Variants in VSX2 observed in about 807,000 individuals in gnomAD.
The protein encoded by VSX2 is ceh-10 homeo domain containing homolog.
VSX2 carries 28 observed loss-of-function variants against 32.1 expected under a neutral mutation model. That is an observed-to-expected ratio of 0.87 (90% CI 0.65 to 1.20). VSX2 has a LOEUF of 1.20. Among genes scored for constraint, VSX2 ranks in the 50% most tolerant of loss-of-function variants. VSX2 has a pLI of 0.00. For missense variants in VSX2, 506 were observed against 488.7 expected (o/e 1.04, Z -0.33); for synonymous variants, 243 against 214.1 (o/e 1.14, Z -1.18).
At chr14:74,242,327 C>T (rs568888936) in intron 2 of VSX2, among the ~76,000 whole-genome samples, 1 of 152,266 alleles carries the variant, frequency 6.6e-6, no homozygotes, top group Non-Finnish European at 1.5e-5. Context: ...GCCGCCACAT[C>T]GTTTTCTCCC....
intron 3 of VSX2, among the ~76,000 whole-genome samples, chr14:74,256,068 C>A (rs1236667176): frequency 1.3e-5 from 2 of 152,140 alleles, no homozygotes; most frequent in Non-Finnish European, 2.9e-5. Context: ...TGCACAGATG[C>A]CAGTTGAGGG....
intron 3 of VSX2, among the ~76,000 whole-genome samples, chr14:74,253,146 G>T (rs1182903890): frequency 6.6e-6 from 1 of 152,068 alleles, no homozygotes; most frequent in Non-Finnish European, 1.5e-5. Flanking sequence ...AAATCTGGTG[G>T]CCCTGGGTGT....
chr14:74,241,355 C>A, intron 2 of VSX2, 89 bp downstream of exon 2: 1 of 1,408,000 alleles, frequency 7.1e-7, no homozygotes, highest in Non-Finnish European at 9.9e-7. Flanking sequence ...ACCCTATTTT[C>A]GCCGACAACG....
chr14:74,239,988 G>A, intron 1 of VSX2, 57 bp downstream of exon 1: 3 of 1,535,516 alleles, frequency 2.0e-6, no homozygotes, highest in African/African-American at 2.8e-5. Context: ...CGGGAGCCCC[G>A]CGCCGTCGGC....
In VSX2 at chr14:74,241,164, C is replaced by T. The variant is rs1264148334; in HGVS notation, c.371-18C>T. 6 of 1,612,204 alleles carry T rather than the reference C, an allele frequency of 3.7e-6. No homozygotes were observed. The African/African-American group carries it at 5.3e-5, about 14-fold the overall frequency. On this transcript the variant is annotated intron_variant, in intron 1 of 4. Transcript: ENST00000261980. ...CGCGTCCCCCACTCTGCCGCATGTC[C>T]CTACGCCCGCTTTTCAGATTCTGAA...
chr14:74,241,085 C>T, intron 1 of VSX2, 97 bp from the exon 2 acceptor site: 3 of 1,304,954 alleles, frequency 2.3e-6, no homozygotes, highest in Non-Finnish European at 3.3e-6. Flanking sequence ...AGGTCCCCGC[C>T]GCTCGCGGAG....
chr14:74,259,558 G>A lies in VSX2; in HGVS notation c.580-44G>A, dbSNP rs28410144. On this transcript the variant is annotated intron_variant, in intron 3 of 4. Transcript: ENST00000261980. Reference sequence around the variant, plus strand: ...ACAAGGGGTAAGGGCCTTGGGCCCAGCACCTCTCAGAGCAAGCCTCTGACC... The same window carrying A: ...ACAAGGGGTAAGGGCCTTGGGCCCAACACCTCTCAGAGCAAGCCTCTGACC... 1.2e-3 allele frequency: 1,875 copies of A among 1,612,904 alleles called. 13 individuals are homozygous for A. In the African/African-American group the frequency reaches 0.021, roughly 18 times the overall value.
At chr14:74,251,843 G>A (rs781466133) in intron 3 of VSX2, among the ~76,000 whole-genome samples, 1 of 152,154 alleles carries the variant, frequency 6.6e-6, no homozygotes, top group Non-Finnish European at 1.5e-5. Context: ...CTTAAGTCAC[G>A]CCAGCGATGA....
At position 74,244,945 on chromosome 14, in the gene VSX2, AGTGTGTGTGTGTGTGT is replaced by A. The variant is rs59905689; in HGVS notation, c.456-198_456-183del. 0.012 allele frequency among the ~76,000 whole-genome samples: 732 copies of A among 59,620 alleles called. 9 individuals are homozygous for A. The highest frequency in any genetic ancestry group is 0.028 in the Middle Eastern group (2 of 72). The allele number at this position is 59,620 out of a possible 152,430, so 39.1% of individuals were successfully genotyped here. ...GTGTGTGTGTGAAAGAGAGAGAGAA[AGTGTGTGTGTGTGTGT>A]GTGTGTGTGTGTGTGTGTGTGAGAG... On this transcript the variant is annotated intron_variant, in intron 2 of 4. Coordinates refer to ENST00000261980, the MANE Select transcript of VSX2 (RefSeq NM_182894.3).
At chr14:74,240,515 G>A (rs1293224670) in intron 1 of VSX2, among the ~76,000 whole-genome samples, 1 of 152,110 alleles carries the variant, frequency 6.6e-6, no homozygotes, top group African/African-American at 2.4e-5. Flanking sequence ...CCGGGGACGC[G>A]CGGGCTCGGG....
chr14:74,260,951 G>A lies in VSX2; in HGVS notation c.*32G>A, dbSNP rs1040097954. 1.3e-6 allele frequency: 2 copies of A among 1,548,388 alleles called. No homozygotes were observed. The highest frequency in any genetic ancestry group is 1.4e-5 in the African/African-American group (1 of 73,100). On this transcript the variant is annotated 3_prime_UTR_variant, in exon 5 of 5. Coordinates refer to ENST00000261980, the MANE Select transcript of VSX2 (RefSeq NM_182894.3). Reference sequence around the variant, plus strand: ...GCGCGCTCAGATGCCGGAGCCCCAAGACTCTGCTCTCCTCGGGCCCTGTGG... The same window carrying A: ...GCGCGCTCAGATGCCGGAGCCCCAAAACTCTGCTCTCCTCGGGCCCTGTGG...
chr14:74,239,644 G>T lies in VSX2; in HGVS notation c.83G>T (p.Arg28Met), dbSNP rs973632498. 6.4e-7 allele frequency: 1 copy of T among 1,550,882 alleles called. No homozygotes were observed. The change falls in exon 1 of 5, where the codon AGG (arginine) becomes ATG (methionine). Residue 28 changes from arginine to methionine, a missense_variant. Physicochemically the swap from Arg to Met is moderately conservative, Grantham distance 91 (BLOSUM62 -1). Transcript: ENST00000261980. ...AKSTSGGAPA[R>M]CTGFGIQEIL... ...AGTACCTCGGGGGGCGCCCCGGCCA[G>T]GTGCACTGGGTTCGGCATCCAGGAG...
chr14:74,252,812 C>T (rs1484793119), intron 3 of VSX2, among the ~76,000 whole-genome samples: 1 of 151,800 alleles, frequency 6.6e-6, no homozygotes, highest in African/African-American at 2.4e-5. Flanking sequence ...CTTTGGGAGG[C>T]CTCGGAGGGC....
chr14:74,241,414 C>A, intron 2 of VSX2, 148 bp downstream of exon 2: 1 of 898,598 alleles, frequency 1.1e-6, no homozygotes, highest in Non-Finnish European at 1.8e-6. Context: ...GGTTGTTTGG[C>A]GGAATCTGCC....
In VSX2 at chr14:74,241,165, C is replaced by G; in HGVS notation, c.371-17C>G. ...GCGTCCCCCACTCTGCCGCATGTCC[C>G]TACGCCCGCTTTTCAGATTCTGAAG... On this transcript the variant is annotated splice_polypyrimidine_tract_variant and intron_variant, in intron 1 of 4. Coordinates refer to ENST00000261980, the MANE Select transcript of VSX2 (RefSeq NM_182894.3). The G allele has an allele frequency of 6.2e-7, 1 of 1,612,508 alleles. No homozygotes were observed. The highest frequency in any genetic ancestry group is 2.2e-5 in the East Asian group (1 of 44,860).
chr14:74,259,913 C>A, intron 4 of VSX2, 131 bp downstream of exon 4: 1 of 1,021,244 alleles, frequency 9.8e-7, no homozygotes, highest in Non-Finnish European at 1.4e-6. Context: ...TTCTTCAAAG[C>A]AAACCTCTTG....
At chr14:74,245,420 T>C in intron 3 of VSX2, 132 bp downstream of exon 3, 1 of 1,313,178 alleles carries the variant, frequency 7.6e-7, no homozygotes, top group Non-Finnish European at 1.1e-6. Flanking sequence ...GATCATGTTC[T>C]CAGCCTATTT....
In VSX2 at chr14:74,241,083, G is replaced by A. The variant is rs112134231; in HGVS notation, c.371-99G>A. 3,265 of 1,287,090 alleles carry A rather than the reference G, an allele frequency of 2.5e-3. 50 individuals are homozygous for A. The African/African-American group carries it at 0.041, about 16-fold the overall frequency. 79.7% of individuals were successfully genotyped at this position (1,287,090 alleles called of 1,614,324 possible). ...TCCTGGGGAGACAGAGCAGGTCCCC[G>A]CCGCTCGCGGAGGCAGCCCGGGGTG... On this transcript the variant is annotated intron_variant, in intron 1 of 4. Coordinates refer to ENST00000261980, the MANE Select transcript of VSX2 (RefSeq NM_182894.3).
chr14:74,241,126 G>A (rs2079147103), intron 1 of VSX2, 56 bp from the exon 2 acceptor site: 2 of 1,583,536 alleles, frequency 1.3e-6, no homozygotes, highest in Non-Finnish European at 8.6e-7. Context: ...CGCGGGTTTC[G>A]GGCACAGCGG....
Sources: gnomAD v4.1 joint callset for allele counts (sites outside exome capture counted in the v4.1 genomes callset) on GRCh38, gnomAD v4.1.1 for gene constraint, MANE v1.5 for transcripts, NCBI Gene and HGNC (gene_info 2026-07-23, HGNC 2026-07-21) for gene names.